CAST: variants seen among roughly 807,000 people sequenced by gnomAD.
CAST encodes the protein calpastatin, also known as MIR583 host.
In CAST, 76 loss-of-function variants were observed where a neutral mutation model predicts 119.6. The observed-to-expected ratio is 0.64, with a 90% CI of 0.53 to 0.77. The LOEUF (loss-of-function observed/expected upper bound fraction) is 0.77, where lower values mean the gene tolerates loss of function less well. CAST is among the 30% of genes least tolerant of loss of function. CAST has a pLI of 0.00. For synonymous variants in CAST, 319 were observed against 331.6 expected, an observed-to-expected ratio of 0.96 and a Z score of 0.41; for missense variants, 953 against 946.5, an observed-to-expected ratio of 1.01 and a Z score of -0.09.
chr5:96,700,555 T>G (rs1753751037), intron 3 of CAST, among the ~76,000 whole-genome samples: 1 of 152,132 alleles, frequency 6.6e-6, no homozygotes, highest in Middle Eastern at 3.2e-3. Context: ...CTAACAAGCT[T>G]CCAGTGGATG....
intron 18 of CAST, 59 bp from the exon 19 acceptor site, chr5:96,748,457 CTT>C (rs1470662210): frequency 3.6e-6 from 3 of 834,250 alleles, no homozygotes; most frequent in East Asian, 2.7e-5. Context: ...TCCATGAAAA[CTT>C]TTTTTTTACA....
the CAST span, among the ~76,000 whole-genome samples, chr5:96,263,567 A>T: frequency 6.6e-6 from 1 of 151,874 alleles, no homozygotes; most frequent in Non-Finnish European, 1.5e-5. Context: ...GAAAAGAAGG[A>T]TCCTTACCAT....
At chr5:96,447,861 T>C in the CAST span, among the ~76,000 whole-genome samples, 1 of 152,196 alleles carries the variant, frequency 6.6e-6, no homozygotes, top group Middle Eastern at 3.4e-3. Flanking sequence ...TGCTGTCCAC[T>C]GTGTGTTGAA....
the CAST span, among the ~76,000 whole-genome samples, chr5:96,162,450 C>T: frequency 1.4e-3 from 218 of 152,230 alleles, 2 homozygotes; most frequent in Middle Eastern, 3.4e-3. Flanking sequence ...CAGTGTCTTG[C>T]TCTGTCGCCC....
chr5:96,201,783 T>A, the CAST span, among the ~76,000 whole-genome samples: 139 of 152,230 alleles, frequency 9.1e-4, no homozygotes, highest in African/African-American at 3.2e-3. Flanking sequence ...TAATATAAAG[T>A]GTCACAGTGC....
At chr5:96,223,196 A>T in the CAST span, among the ~76,000 whole-genome samples, 1 of 152,182 alleles carries the variant, frequency 6.6e-6, no homozygotes, top group African/African-American at 2.4e-5. Flanking sequence ...ATATATTCTA[A>T]TGTCTGATAG....
At chr5:96,420,492 A>G in the CAST span, among the ~76,000 whole-genome samples, 9 of 152,232 alleles carry the variant, frequency 5.9e-5, 1 homozygote, top group African/African-American at 2.2e-4. Flanking sequence ...TTTGCGGTTA[A>G]CCCCTTTAGT....
chr5:95,967,270 G>A, the CAST span, among the ~76,000 whole-genome samples: 13 of 152,086 alleles, frequency 8.5e-5, no homozygotes, highest in African/African-American at 2.9e-4. Context: ...GTCAGGTGCA[G>A]TTGTGTGATA....
chr5:96,202,134 A>G, the CAST span, among the ~76,000 whole-genome samples: 1 of 152,070 alleles, frequency 6.6e-6, no homozygotes, highest in African/African-American at 2.4e-5. Context: ...GAATACAACC[A>G]ATGATATCAG....
chr5:96,075,456 A>G, the CAST span, among the ~76,000 whole-genome samples: 84 of 152,314 alleles, frequency 5.5e-4, no homozygotes, highest in African/African-American at 1.9e-3. Context: ...CTAGAGTGGT[A>G]ACTGGCTTAT....
the CAST span, among the ~76,000 whole-genome samples, chr5:96,166,058 G>T: frequency 6.6e-6 from 1 of 152,256 alleles, no homozygotes; most frequent in East Asian, 1.9e-4. Context: ...CTGCTTGGTA[G>T]CTTTTGCCAA....
the CAST span, among the ~76,000 whole-genome samples, chr5:96,212,519 G>C: frequency 2.0e-5 from 3 of 152,086 alleles, no homozygotes; most frequent in African/African-American, 7.2e-5. Context: ...TCTCAGTATA[G>C]GTTCCATGGG....
rs1200659633 is a variant in CAST at position 96,774,265 on chromosome 5, A to AT, written c.*1654dup. On this transcript the variant is annotated 3_prime_UTR_variant, in exon 32 of 32. Coordinates refer to ENST00000675179, the MANE Select transcript of CAST (RefSeq NM_001750.7). ...CTAATTTCCATGTGTATCTGGAAGT[A>AT]TTTTTAAATGGCATACCAAAATCCA... The AT allele has an allele frequency of 6.4e-6, 1 of 155,372 alleles. No individual in the cohort carries two copies. Among genetic ancestry groups the AT allele is most frequent in the Non-Finnish European group, 1.4e-5 (1 of 69,412 alleles). 9.6% of individuals were successfully genotyped at this position (155,372 alleles called of 1,614,324 possible). A position where few individuals can be genotyped will look rare whatever the true frequency, so the allele number is the denominator to read the frequency against.
chr5:96,376,497 G>T, the CAST span, among the ~76,000 whole-genome samples: 1 of 151,496 alleles, frequency 6.6e-6, no homozygotes, highest in East Asian at 1.9e-4. Context: ...CTGGAGTGCA[G>T]TGGTGCAATC....
intron 1 of CAST, among the ~76,000 whole-genome samples, chr5:96,653,232 G>A (rs75490179): frequency 1.9e-3 from 291 of 152,276 alleles, no homozygotes; most frequent in Middle Eastern, 6.8e-3. Flanking sequence ...CATTGCCTTG[G>A]GGCAGGGCTA....
At chr5:96,017,223 G>A in the CAST span, among the ~76,000 whole-genome samples, 1 of 152,124 alleles carries the variant, frequency 6.6e-6, no homozygotes, top group African/African-American at 2.4e-5. Flanking sequence ...TCCCTAATAA[G>A]TATAGTTGGA....
At chr5:96,336,099 A>C in the CAST span, among the ~76,000 whole-genome samples, 1 of 151,896 alleles carries the variant, frequency 6.6e-6, no homozygotes, top group East Asian at 1.9e-4. Context: ...CTCTTGCTAA[A>C]GTCATTCTGA....
At chr5:96,660,064 A>C (rs774994943), upstream of CAST, among the ~76,000 whole-genome samples, 1 of 152,188 alleles carries the variant, frequency 6.6e-6, no homozygotes, top group Non-Finnish European at 1.5e-5. Context: ...TTTGATACCT[A>C]ATATATCATG....
At chr5:96,680,365 AAAAAAAAAAAAAAAG>A (rs1417559466) in intron 2 of CAST, among the ~76,000 whole-genome samples, 2 of 136,076 alleles carry the variant, frequency 1.5e-5, no homozygotes, top group African/African-American at 5.9e-5. Context: ...AAAAAAAAAA[AAAAAAAAAAAAAAAG>A]AAGAAGAAGA....
Sources: gnomAD v4.1 joint callset for allele counts (sites outside exome capture counted in the v4.1 genomes callset) on GRCh38, gnomAD v4.1.1 for gene constraint, MANE v1.5 for transcripts, NCBI Gene and HGNC (gene_info 2026-07-23, HGNC 2026-07-21) for gene names.